The following PRKAG2 variants were observed in gnomAD, a reference collection of about 807,000 sequenced individuals.
The protein encoded by PRKAG2 is protein kinase AMP-activated non-catalytic subunit gamma 2.
In PRKAG2, 26 loss-of-function variants were observed where a neutral mutation model predicts 69.6. The observed-to-expected ratio is 0.37, with a 90% CI of 0.27 to 0.52. The LOEUF (loss-of-function observed/expected upper bound fraction) is 0.52, where lower values mean the gene tolerates loss of function less well. Among genes scored for constraint, PRKAG2 ranks in the 20% least tolerant of loss-of-function variants. The probability of loss-of-function intolerance (pLI) is 0.90; values close to 1 mark genes in which losing one functional copy is unlikely to be tolerated. For missense variants in PRKAG2, 557 were observed against 740.0 expected (o/e 0.75, Z 2.87); for synonymous variants, 293 against 285.0 (o/e 1.03, Z -0.28).
At chr7:151,668,541 C>T (rs995299985) in intron 4 of PRKAG2, among the ~76,000 whole-genome samples, 1 of 152,238 alleles carries the variant, frequency 6.6e-6, no homozygotes, top group African/African-American at 2.4e-5. Context: ...CTCACACCTG[C>T]AACCTTTTTA....
At chr7:151,663,662 C>G (rs1830638965) in intron 4 of PRKAG2, among the ~76,000 whole-genome samples, 1 of 152,210 alleles carries the variant, frequency 6.6e-6, no homozygotes, top group African/African-American at 2.4e-5. Context: ...GTCTGGCCCA[C>G]TTTGCCAGCT....
At chr7:151,851,842 A>G (rs1586721976) in intron 1 of PRKAG2, among the ~76,000 whole-genome samples, 2 of 152,052 alleles carry the variant, frequency 1.3e-5, no homozygotes, top group African/African-American at 4.8e-5. Flanking sequence ...CCTCACTCCC[A>G]TCACTGCTAA....
intron 1 of PRKAG2, among the ~76,000 whole-genome samples, chr7:151,862,510 G>A (rs570269548): frequency 1.4e-4 from 22 of 152,082 alleles, no homozygotes; most frequent in Non-Finnish European, 3.1e-4. Context: ...TTCCCCCTCT[G>A]TTAGTTAAGC....
At position 151,857,161 on chromosome 7, in the gene PRKAG2, T is replaced by A. The variant is rs896451126; in HGVS notation, c.114+19346A>T. The stretch of plus-strand genomic sequence containing the variant: ...AAAAAAAAAAAGCCCACAGGGAGTA[T>A]AAGGGATGGGCACAGAACGCGCAGC... On this transcript the variant is annotated intron_variant, in intron 1 of 15. Coordinates refer to ENST00000287878, the MANE Select transcript of PRKAG2 (RefSeq NM_016203.4). 1.1e-3 allele frequency among the ~76,000 whole-genome samples: 154 copies of A among 140,728 alleles called. 1 individual carries two copies. The highest frequency in any genetic ancestry group is 4.0e-3 in the African/African-American group (151 of 37,816). The allele number at this position is 140,728 out of a possible 152,430, so 92.3% of individuals were successfully genotyped here.
chr7:151,677,303 T>A (rs1164085595), intron 3 of PRKAG2, among the ~76,000 whole-genome samples: 1 of 152,130 alleles, frequency 6.6e-6, no homozygotes, highest in Non-Finnish European at 1.5e-5. Flanking sequence ...TCTCCTGCCT[T>A]AGCATCCTGA....
intron 1 of PRKAG2, among the ~76,000 whole-genome samples, chr7:151,825,060 A>G (rs1486328639): frequency 1.3e-5 from 2 of 152,030 alleles, no homozygotes; most frequent in African/African-American, 4.8e-5. Flanking sequence ...AAAAATACAA[A>G]AAAATTAGCT....
chr7:151,829,643 T>C (rs1383536652), intron 1 of PRKAG2, among the ~76,000 whole-genome samples: 1 of 151,986 alleles, frequency 6.6e-6, no homozygotes, highest in African/African-American at 2.4e-5. Flanking sequence ...AACTGATGAA[T>C]GAATAAACAG....
intron 1 of PRKAG2, chr7:151,809,279 C>A (rs1191708887): frequency 4.4e-6 from 2 of 456,580 alleles, no homozygotes; most frequent in Non-Finnish European, 8.8e-6. Flanking sequence ...GGCCCCTTCC[C>A]ACACACCCCT....
intron 1 of PRKAG2, among the ~76,000 whole-genome samples, chr7:151,855,912 A>G (rs1434355712): frequency 1.3e-5 from 2 of 152,228 alleles, no homozygotes; most frequent in Admixed American, 6.5e-5. Flanking sequence ...GATGCTTGCA[A>G]TGCAGTTACA....
At chr7:151,833,869 T>C (rs1414431294) in intron 1 of PRKAG2, among the ~76,000 whole-genome samples, 2 of 152,208 alleles carry the variant, frequency 1.3e-5, no homozygotes, top group Non-Finnish European at 2.9e-5. Context: ...GGGTGCCCAG[T>C]GCACTGGCAC....
intron 3 of PRKAG2, among the ~76,000 whole-genome samples, chr7:151,697,877 C>T (rs143025171): frequency 1.3e-5 from 2 of 152,310 alleles, no homozygotes; most frequent in Admixed American, 1.3e-4. Context: ...CGGGTCAAGG[C>T]GAATCCAAGC....
At chr7:151,624,784 C>T (rs767729691) in intron 5 of PRKAG2, among the ~76,000 whole-genome samples, 1 of 152,200 alleles carries the variant, frequency 6.6e-6, no homozygotes, top group Non-Finnish European at 1.5e-5. Flanking sequence ...ATTTCACTTC[C>T]TCCGTTGCTC....
chr7:151,846,787 C>T (rs2151892251), intron 1 of PRKAG2, among the ~76,000 whole-genome samples: 1 of 152,306 alleles, frequency 6.6e-6, no homozygotes, highest in African/African-American at 2.4e-5. Flanking sequence ...TTCATAAATG[C>T]CATGTCCTAC....
At chr7:151,848,089 G>A (rs145483990) in intron 1 of PRKAG2, among the ~76,000 whole-genome samples, 6 of 152,352 alleles carry the variant, frequency 3.9e-5, no homozygotes, top group Non-Finnish European at 7.3e-5. Context: ...AGACGAGGCT[G>A]AGGACTTCAG....
chr7:151,665,610 G>A (rs571956134), intron 4 of PRKAG2, among the ~76,000 whole-genome samples: 2 of 152,290 alleles, frequency 1.3e-5, no homozygotes, highest in East Asian at 1.9e-4. Flanking sequence ...CTGAGAATCA[G>A]TTCTCTCTGT....
intron 1 of PRKAG2, among the ~76,000 whole-genome samples, chr7:151,833,413 C>T (rs1025623235): frequency 2.6e-5 from 4 of 152,204 alleles, no homozygotes; most frequent in African/African-American, 9.6e-5. Context: ...AGCTGCTGAG[C>T]GGAGGAGGCC....
intron 5 of PRKAG2, among the ~76,000 whole-genome samples, chr7:151,597,829 C>CG (rs1341572721): frequency 6.7e-6 from 1 of 150,046 alleles, no homozygotes; most frequent in Non-Finnish European, 1.5e-5. Context: ...AGCCCCCCCC[C>CG]CCGCTCTTTT....
intron 1 of PRKAG2, among the ~76,000 whole-genome samples, chr7:151,870,612 A>T (rs1168228021): frequency 1.3e-5 from 2 of 152,164 alleles, no homozygotes; most frequent in African/African-American, 4.8e-5. Context: ...AAGCACTGTC[A>T]CGGTTCGATC....
chr7:151,775,910 C>T (rs1022320253), intron 3 of PRKAG2, among the ~76,000 whole-genome samples: 6 of 152,202 alleles, frequency 3.9e-5, no homozygotes, highest in Admixed American at 1.3e-4. Context: ...GAGCAATCTA[C>T]AGTCTGGGAA....
Sources: gnomAD v4.1 joint callset for allele counts (sites outside exome capture counted in the v4.1 genomes callset) on GRCh38, gnomAD v4.1.1 for gene constraint, MANE v1.5 for transcripts, NCBI Gene and HGNC (gene_info 2026-07-23, HGNC 2026-07-21) for gene names.